KCNQ4: variants seen among roughly 807,000 people sequenced by gnomAD.
The protein encoded by KCNQ4 is potassium voltage-gated channel subfamily KQT member 4.
Under a neutral mutation model 72.6 loss-of-function variants are expected in KCNQ4, and 31 were observed. The ratio of observed to expected loss-of-function variants is 0.43; its 90% CI spans 0.32 to 0.58. KCNQ4 has a LOEUF of 0.58. KCNQ4 is among the 20% of genes least tolerant of loss of function. The pLI is 0.08. For missense variants in KCNQ4, 869 were observed against 962.6 expected, an observed-to-expected ratio of 0.90 and a Z score of 1.29; for synonymous variants, 405 against 403.7, an observed-to-expected ratio of 1.00 and a Z score of -0.04.
rs1648128190 is a variant in KCNQ4 at position 40,817,444 on chromosome 1, T to A, written c.405+89T>A. On this transcript the variant is annotated intron_variant, in intron 2 of 13. Transcript: ENST00000347132. This position sits in a 1 kb window ranked among gnomAD's most constrained non-coding sequence, Gnocchi z 5.5. ...CGGGACTGAGGGGGGCTGTGTGAGGTAGCACCTCTGGGCTGGGAGTCCGGG... is the reference window on the plus strand; with the variant it reads ...CGGGACTGAGGGGGGCTGTGTGAGGAAGCACCTCTGGGCTGGGAGTCCGGG... The A allele has an allele frequency of 1.1e-6, 1 of 952,110 alleles. No individual in the cohort carries two copies. The highest frequency in any genetic ancestry group is 1.7e-5 in the African/African-American group (1 of 60,214). The allele number at this position is 952,110 out of a possible 1,614,324, so 59.0% of individuals were successfully genotyped here.
chr1:40,825,631 C>T (rs1648452459), intron 9 of KCNQ4, among the ~76,000 whole-genome samples: 1 of 152,026 alleles, frequency 6.6e-6, no homozygotes, highest in Non-Finnish European at 1.5e-5. Flanking sequence ...TGAGAGCTCC[C>T]TGGGAGAGTA....
At chr1:40,832,978 TTTGG>T in intron 10 of KCNQ4, 32 bp from the exon 11 acceptor site, 1 of 1,503,586 alleles carries the variant, frequency 6.7e-7, no homozygotes, top group Non-Finnish European at 9.3e-7. Flanking sequence ...GAGTGGCCCC[TTTGG>T]TGGGCCACTT....
chr1:40,787,086 G>C (rs561288741), intron 1 of KCNQ4, among the ~76,000 whole-genome samples: 4 of 152,168 alleles, frequency 2.6e-5, no homozygotes, highest in African/African-American at 7.2e-5. Context: ...CAGCAGAAGA[G>C]CCTGCAAGAG....
At chr1:40,823,195 C>T (rs1041963531) in intron 8 of KCNQ4, among the ~76,000 whole-genome samples, 5 of 152,220 alleles carry the variant, frequency 3.3e-5, no homozygotes, top group African/African-American at 4.8e-5. Flanking sequence ...CCCATCCCTG[C>T]GCCCTCCCAG....
At chr1:40,815,430 A>G (rs1648057348) in intron 1 of KCNQ4, among the ~76,000 whole-genome samples, 1 of 152,106 alleles carries the variant, frequency 6.6e-6, no homozygotes, top group Non-Finnish European at 1.5e-5. Context: ...GGGCTGCATG[A>G]GATAACCTCA....
chr1:40,801,858 AC>A (rs1250894371), intron 1 of KCNQ4, among the ~76,000 whole-genome samples: 3 of 151,954 alleles, frequency 2.0e-5, no homozygotes, highest in Non-Finnish European at 4.4e-5. Context: ...AGTTCTTCCT[AC>A]TCACTCCTGA....
rs1397429647 is a variant in KCNQ4, at chr1:40,818,233, C to T, written c.475C>T (p.Arg159Cys). The T allele has an allele frequency of 3.1e-6, 5 of 1,614,012 alleles. No homozygotes were observed. The highest frequency in any genetic ancestry group is 3.4e-6 in the Non-Finnish European group (4 of 1,180,018). ...GGTCTGGTCCGCCGGATGCTGCTGC[C>T]GCTACCGAGGATGGCAGGGTCGCTT... ...VRVWSAGCCC[R>C]YRGWQGRFRF... Residue 159 changes from arginine to cysteine, a missense_variant, in exon 3 of 14, where the codon CGC becomes TGC. Physicochemically the swap from Arg to Cys is radical, Grantham distance 180 (BLOSUM62 -3). Around this residue, in one of 5 missense-constraint regions of KCNQ4, gnomAD observed 179 missense variants for 243.0 expected, o/e 0.74. Coordinates refer to ENST00000347132, the MANE Select transcript of KCNQ4 (RefSeq NM_004700.4).
chr1:40,838,267 C>G, intron 13 of KCNQ4, 44 bp from the exon 14 acceptor site: 1 of 1,579,944 alleles, frequency 6.3e-7, no homozygotes. Flanking sequence ...GGCCGCGTCC[C>G]CTCCGGTCCC....
At chr1:40,796,151 G>T (rs1647402162) in intron 1 of KCNQ4, among the ~76,000 whole-genome samples, 1 of 152,100 alleles carries the variant, frequency 6.6e-6, no homozygotes, top group Admixed American at 6.6e-5. Context: ...GGAACGGTTT[G>T]CAGGACTGTG....
At chr1:40,785,506 C>T (rs1307044627) in intron 1 of KCNQ4, among the ~76,000 whole-genome samples, 1 of 152,210 alleles carries the variant, frequency 6.6e-6, no homozygotes, top group East Asian at 1.9e-4. Context: ...AGCAGCCCTC[C>T]TGCTGGCCTG....
intron 1 of KCNQ4, among the ~76,000 whole-genome samples, chr1:40,791,350 C>A (rs1474231248): frequency 6.6e-6 from 1 of 152,152 alleles, no homozygotes; most frequent in African/African-American, 2.4e-5. Context: ...CCAGCATCTT[C>A]TCTGGGGGCC....
At chr1:40,802,824 A>T (rs528922921) in intron 1 of KCNQ4, among the ~76,000 whole-genome samples, 27 of 152,288 alleles carry the variant, frequency 1.8e-4, no homozygotes, top group Admixed American at 2.6e-4. Context: ...AGACTGCCGG[A>T]CCAGGGATCA....
chr1:40,826,032 CA>C (rs1648466609), intron 9 of KCNQ4, among the ~76,000 whole-genome samples: 1 of 152,058 alleles, frequency 6.6e-6, no homozygotes, highest in African/African-American at 2.4e-5. Context: ...CCAGGGACCC[CA>C]GGGGGCTGAG....
intron 9 of KCNQ4, among the ~76,000 whole-genome samples, chr1:40,829,603 T>A (rs1648577623): frequency 6.6e-6 from 1 of 152,046 alleles, no homozygotes; most frequent in Non-Finnish European, 1.5e-5. Context: ...AGACCCCAGT[T>A]CCCACCCAAT....
rs764335340 is a variant in KCNQ4 at position 40,793,284 on chromosome 1, G to A, written c.314+8877G>A. On this transcript the variant is annotated intron_variant, in intron 1 of 13. Coordinates refer to ENST00000347132, the MANE Select transcript of KCNQ4 (RefSeq NM_004700.4). ...TCGGGAGCCACCATGGCTGCCTGCTGGGCCCTTCCTTCTTGAATGCAACCC... is the reference window on the plus strand; with the variant it reads ...TCGGGAGCCACCATGGCTGCCTGCTAGGCCCTTCCTTCTTGAATGCAACCC... Among the ~76,000 whole-genome samples the A allele has an allele frequency of 2.0e-4, 31 of 152,050 alleles. 1 individual carries two copies. The highest frequency in any genetic ancestry group is 7.4e-5 in the Non-Finnish European group (5 of 68,002).
rs997466995 is a variant in KCNQ4 at position 40,784,698 on chromosome 1, C to G, written c.314+291C>G. On this transcript the variant is annotated intron_variant, in intron 1 of 13. Coordinates refer to ENST00000347132, the MANE Select transcript of KCNQ4 (RefSeq NM_004700.4). This position sits in a 1 kb window ranked among gnomAD's most constrained non-coding sequence, Gnocchi z 4.1. ...CTCCTCTGTCCCAGGTACTCCCGAC[C>G]GCCAGCTGCCTCCCCCAAGTCCGCT... Among the ~76,000 whole-genome samples, 3 of 152,224 alleles carry G rather than the reference C, an allele frequency of 2.0e-5. No individual in the cohort carries two copies. The highest frequency in any genetic ancestry group is 4.8e-5 in the African/African-American group (2 of 41,464).
rs1648898206 is a variant in KCNQ4 at position 40,838,963 on chromosome 1, G to C, written c.*440G>C. ...CCCGCCAAGTCCCCGCCCCACTTGG[G>C]GGTGGGCCAAGGTGCCCCCACAGGT... On this transcript the variant is annotated 3_prime_UTR_variant, in exon 14 of 14. Coordinates refer to ENST00000347132, the MANE Select transcript of KCNQ4 (RefSeq NM_004700.4). The C allele has an allele frequency of 7.5e-6, 2 of 266,768 alleles. No individual in the cohort carries two copies. Among genetic ancestry groups the C allele is most frequent in the Non-Finnish European group, 1.5e-5 (2 of 134,882 alleles). The allele number at this position is 266,768 out of a possible 1,614,324, so 16.5% of individuals were successfully genotyped here.
intron 12 of KCNQ4, 149 bp from the exon 13 acceptor site, chr1:40,837,516 A>G: frequency 9.8e-7 from 1 of 1,024,322 alleles, no homozygotes; most frequent in Non-Finnish European, 1.4e-6. Flanking sequence ...TCCACCCTCA[A>G]CTCAGCCTCC....
intron 1 of KCNQ4, among the ~76,000 whole-genome samples, chr1:40,785,738 C>T (rs774455401): frequency 1.3e-4 from 20 of 152,178 alleles, no homozygotes; most frequent in South Asian, 6.2e-4. Flanking sequence ...GTCTGTCCTT[C>T]GGCCTGTTTC....
Sources: allele counts gnomAD v4.1 joint callset (sites outside exome capture counted in the v4.1 genomes callset), GRCh38; gene constraint gnomAD v4.1.1; regional missense constraint gnomAD v4.1.1; non-coding constraint Gnocchi (gnomAD v3.1); transcripts MANE v1.5; gene names NCBI Gene and HGNC (gene_info 2026-07-23, HGNC 2026-07-21).